MAD1L1: variants seen among roughly 807,000 people sequenced by gnomAD.
MAD1L1 encodes mitotic spindle assembly checkpoint protein MAD1.
Under a neutral mutation model 96.9 loss-of-function variants are expected in MAD1L1, and 95 were observed. The ratio of observed to expected loss-of-function variants is 0.98; its 90% CI spans 0.83 to 1.16. The LOEUF is 1.16. Among genes scored for constraint, MAD1L1 ranks in the 50% most tolerant of loss-of-function variants. MAD1L1 has a pLI of 0.00. For synonymous variants in MAD1L1, 473 were observed against 396.6 expected (o/e 1.19, Z -2.29); for missense variants, 1,007 against 954.4 (o/e 1.06, Z -0.73).
At chr7:1,885,081 C>T (rs1233564111) in intron 18 of MAD1L1, among the ~76,000 whole-genome samples, 1 of 152,242 alleles carries the variant, frequency 6.6e-6, no homozygotes, top group Non-Finnish European at 1.5e-5. Flanking sequence ...GTCATCACCA[C>T]TGGACCCAAG....
intron 11 of MAD1L1, 94 bp downstream of exon 11, chr7:2,149,058 C>A: frequency 9.3e-7 from 1 of 1,079,920 alleles, no homozygotes; most frequent in South Asian, 1.3e-5. Context: ...GAAGGACAGC[C>A]ATCCCCCAAG....
At chr7:1,865,099 G>A (rs911765124) in intron 18 of MAD1L1, among the ~76,000 whole-genome samples, 1 of 152,150 alleles carries the variant, frequency 6.6e-6, no homozygotes, top group African/African-American at 2.4e-5. Flanking sequence ...CCTGTCCCCA[G>A]TCTGCCCTGT....
chr7:2,229,459 T>C (rs1051978959), intron 3 of MAD1L1, among the ~76,000 whole-genome samples: 1 of 152,190 alleles, frequency 6.6e-6, no homozygotes. Flanking sequence ...TGAAACAAAA[T>C]ACAACTATTT....
intron 14 of MAD1L1, among the ~76,000 whole-genome samples, chr7:1,990,487 C>A (rs973410212): frequency 2.0e-5 from 3 of 152,250 alleles, no homozygotes. Context: ...CCATGGACAG[C>A]CCCCTTGGCT....
At chr7:1,978,771 CATGGAGACGCAG>C (rs1399146458) in intron 15 of MAD1L1, among the ~76,000 whole-genome samples, 2 of 152,206 alleles carry the variant, frequency 1.3e-5, no homozygotes, top group Non-Finnish European at 2.9e-5. Context: ...GTCCCCGAGA[CATGGAGACGCAG>C]ATGAAGACGG....
intron 11 of MAD1L1, among the ~76,000 whole-genome samples, chr7:2,107,193 G>A (rs570940855): frequency 8.5e-5 from 13 of 152,340 alleles, no homozygotes; most frequent in Non-Finnish European, 2.9e-5. Flanking sequence ...CCCTGCAGGC[G>A]GTAAGCCAGG....
intron 10 of MAD1L1, among the ~76,000 whole-genome samples, chr7:2,163,674 T>G (rs1272490366): frequency 6.6e-6 from 1 of 152,124 alleles, no homozygotes; most frequent in Admixed American, 6.5e-5. Flanking sequence ...AAGCACACTT[T>G]TCTACGTATA....
At chr7:1,871,208 C>T (rs1448119898) in intron 18 of MAD1L1, among the ~76,000 whole-genome samples, 3 of 145,674 alleles carry the variant, frequency 2.1e-5, no homozygotes, top group Admixed American at 6.8e-5. Flanking sequence ...CTGAACCCAC[C>T]GTAACACCTG....
chr7:2,216,196 C>G lies in MAD1L1; in HGVS notation c.770G>C (p.Arg257Pro), dbSNP rs776215864. The G allele has an allele frequency of 6.2e-7, 1 of 1,613,878 alleles. No individual in the cohort carries two copies. The highest frequency in any genetic ancestry group is 1.1e-5 in the South Asian group (1 of 91,072). ...SELVRLPRLE[R>P]ELKQLREESA... Reference sequence around the variant, plus strand: ...CTCCTCCCGCAGCTGCTTCAGCTCCCGTTCCAGCCTAGGGAGCCGTACCAG... The same window carrying G: ...CTCCTCCCGCAGCTGCTTCAGCTCCGGTTCCAGCCTAGGGAGCCGTACCAG... The change falls in exon 8 of 19, where the codon CGG becomes CCG. Residue 257 changes from arginine (R) to proline (P), a missense_variant. Physicochemically the swap from Arg to Pro is moderately radical, Grantham distance 103. Transcript: ENST00000265854.
chr7:2,123,984 C>A (rs1037391556), intron 11 of MAD1L1, among the ~76,000 whole-genome samples: 1 of 152,198 alleles, frequency 6.6e-6, no homozygotes, highest in East Asian at 1.9e-4. Flanking sequence ...GCTTAGGCCC[C>A]GGGGGCAAGA....
intron 12 of MAD1L1, among the ~76,000 whole-genome samples, chr7:2,063,820 G>A (rs372627342): frequency 6.6e-6 from 1 of 152,150 alleles, no homozygotes; most frequent in Non-Finnish European, 1.5e-5. Context: ...CTCTGACCCT[G>A]AGCACCTGTG....
At chr7:2,225,702 G>A (rs2115018621) in intron 3 of MAD1L1, 152 bp from the exon 4 acceptor site, 1 of 777,070 alleles carries the variant, frequency 1.3e-6, no homozygotes. Flanking sequence ...GCTCCAGGCT[G>A]GGGAACAGGG....
intron 14 of MAD1L1, among the ~76,000 whole-genome samples, chr7:1,990,484 C>T (rs1176930878): frequency 6.6e-6 from 1 of 152,250 alleles, no homozygotes; most frequent in African/African-American, 2.4e-5. Context: ...GGGCCATGGA[C>T]AGCCCCCTTG....
intron 5 of MAD1L1, chr7:2,220,935 G>A: frequency 1.9e-6 from 3 of 1,612,366 alleles, no homozygotes; most frequent in Non-Finnish European, 2.5e-6. Flanking sequence ...TGCCCACAGG[G>A]TCACCCGTGT....
intron 18 of MAD1L1, among the ~76,000 whole-genome samples, chr7:1,892,070 G>A (rs1213912015): frequency 6.6e-6 from 1 of 152,178 alleles, no homozygotes; most frequent in Non-Finnish European, 1.5e-5. Context: ...ACCCTACGCA[G>A]GTGCACCGTC....
intron 14 of MAD1L1, among the ~76,000 whole-genome samples, chr7:1,997,626 C>G (rs144364853): frequency 1.3e-5 from 2 of 152,268 alleles, no homozygotes; most frequent in East Asian, 1.9e-4. Flanking sequence ...CTGTAACCCC[C>G]GGGAAGAAGC....
intron 14 of MAD1L1, among the ~76,000 whole-genome samples, chr7:1,992,464 A>G (rs1781396135): frequency 6.6e-6 from 1 of 152,136 alleles, no homozygotes; most frequent in Non-Finnish European, 1.5e-5. Context: ...GGAAATGTGT[A>G]TGCAGCCTCA....
chr7:1,863,699 C>G (rs1784640311), intron 18 of MAD1L1, among the ~76,000 whole-genome samples: 1 of 152,232 alleles, frequency 6.6e-6, no homozygotes, highest in South Asian at 2.1e-4. Context: ...CTCCCTGGAG[C>G]TCCTGGGTGG....
At chr7:2,116,143 C>A (rs928798447) in intron 11 of MAD1L1, among the ~76,000 whole-genome samples, 1 of 152,226 alleles carries the variant, frequency 6.6e-6, no homozygotes, top group Non-Finnish European at 1.5e-5. Flanking sequence ...TCCACACTGA[C>A]GTGTTGGCTG....
Sources: gnomAD v4.1 joint callset for allele counts (sites outside exome capture counted in the v4.1 genomes callset) on GRCh38, gnomAD v4.1.1 for gene constraint, MANE v1.5 for transcripts, NCBI Gene and HGNC (gene_info 2026-07-23, HGNC 2026-07-21) for gene names.